NCOA3: variants seen among roughly 807,000 people sequenced by gnomAD.
The protein encoded by NCOA3 is CBP-interacting protein.
In NCOA3, 51 loss-of-function variants were observed where a neutral mutation model predicts 158.8. That is an observed-to-expected ratio of 0.32 (90% CI 0.26 to 0.41). NCOA3 has a LOEUF of 0.41. Ranked by LOEUF, NCOA3 falls within the 10% of genes least tolerant of loss-of-function variation. The pLI, the probability that NCOA3 is intolerant of heterozygous loss-of-function variation, is 1.00. For synonymous variants in NCOA3, 537 were observed against 592.4 expected (o/e 0.91, Z 1.36); for missense variants, 1,510 against 1,746.6 (o/e 0.86, Z 2.41).
rs6018583 is a variant in NCOA3, at chr20:47,606,086, C to G, written c.-19-16143C>G. On this transcript the variant is annotated intron_variant, in intron 2 of 22. Transcript: ENST00000371998. ...TGGTCTTGAACTTCTGGCAAGTGAC[C>G]CTCTACTGTAGCCTCCCAAAGTATT... Among the ~76,000 whole-genome samples the G allele has an allele frequency of 7.2e-3, 1,103 of 152,204 alleles. 22 individuals are homozygous for G. The highest frequency in any genetic ancestry group is 0.025 in the African/African-American group (1,045 of 41,536).
At chr20:47,584,491 G>T (rs1339855651) in intron 2 of NCOA3, among the ~76,000 whole-genome samples, 1 of 151,796 alleles carries the variant, frequency 6.6e-6, no homozygotes, top group Non-Finnish European at 1.5e-5. Flanking sequence ...ATAGTGGCGT[G>T]TGCCTGTAAT....
chr20:47,587,895 A>G (rs969277195), intron 2 of NCOA3, among the ~76,000 whole-genome samples: 2 of 151,936 alleles, frequency 1.3e-5, no homozygotes, highest in Non-Finnish European at 2.9e-5. Flanking sequence ...GTCCCTTATT[A>G]TTATGTGGGA....
At chr20:47,585,537 G>A (rs2085522368) in intron 2 of NCOA3, among the ~76,000 whole-genome samples, 1 of 152,106 alleles carries the variant, frequency 6.6e-6, no homozygotes, top group Admixed American at 6.5e-5. Context: ...TGGTAAGCAG[G>A]CTTTATCTGG....
At chr20:47,563,478 TCAA>T (rs1452116500) in intron 1 of NCOA3, among the ~76,000 whole-genome samples, 1 of 151,852 alleles carries the variant, frequency 6.6e-6, no homozygotes, top group Non-Finnish European at 1.5e-5. Flanking sequence ...CTCTAAGAAA[TCAA>T]AAAGGGAAAA....
At chr20:47,644,329 C>T (rs72645288) in intron 17 of NCOA3, among the ~76,000 whole-genome samples, 5 of 151,924 alleles carry the variant, frequency 3.3e-5, no homozygotes, top group Middle Eastern at 3.2e-3. Flanking sequence ...TTAGTAGAGA[C>T]GGGGTTTCAC....
At chr20:47,568,918 G>A (rs1239375729) in intron 1 of NCOA3, among the ~76,000 whole-genome samples, 1 of 152,036 alleles carries the variant, frequency 6.6e-6, no homozygotes, top group Admixed American at 6.6e-5. Context: ...CAGGGTGGTG[G>A]TTAATGAAGG....
Position 47,651,101 on chromosome 20 carries a change from G to GCAA in NCOA3, c.3773_3774insACA (p.Gln1276dup), listed in dbSNP as rs771198609. The GCAA allele has an allele frequency of 6.2e-6, 10 of 1,601,038 alleles. No individual in the cohort carries two copies. Among genetic ancestry groups the GCAA allele is most frequent in the South Asian group, 1.1e-5 (1 of 90,526 alleles). Reference sequence around the variant, plus strand: ...AGCAGCAGCAGCAGCAACAGCAGCAGCAGCAGCAGCAGCAGCAGCAACAGC... The same window carrying GCAA: ...AGCAGCAGCAGCAGCAACAGCAGCAGCAACAGCAGCAGCAGCAGCAGCAACAGC... On this transcript the variant is annotated inframe_insertion, in exon 20 of 23. Coordinates refer to ENST00000371998, the MANE Select transcript of NCOA3 (RefSeq NM_181659.3).
chr20:47,615,034 T>C (rs1358079920), intron 2 of NCOA3, among the ~76,000 whole-genome samples: 1 of 152,200 alleles, frequency 6.6e-6, no homozygotes. Context: ...TTGATACATA[T>C]TTTGTTGGTT....
intron 1 of NCOA3, among the ~76,000 whole-genome samples, chr20:47,570,933 T>TAC (rs772303791): frequency 1.1e-4 from 11 of 99,250 alleles, no homozygotes; most frequent in African/African-American, 4.4e-4. Flanking sequence ...TGAGCAGTAA[T>TAC]ATATATACAC....
chr20:47,596,884 T>C (rs535482742), intron 2 of NCOA3, among the ~76,000 whole-genome samples: 2 of 152,320 alleles, frequency 1.3e-5, no homozygotes, highest in African/African-American at 4.8e-5. Context: ...GGCACCATAC[T>C]AAGCCAAAAG....
chr20:47,647,920 T>C (rs1438860465), intron 18 of NCOA3, among the ~76,000 whole-genome samples: 1 of 86,772 alleles, frequency 1.2e-5, no homozygotes, highest in Admixed American at 9.9e-5. Context: ...TTTTGTTTTG[T>C]TTTTTTTTTT....
chr20:47,652,150 A>ACTGTAG (rs2086805445), intron 20 of NCOA3, among the ~76,000 whole-genome samples: 1 of 152,030 alleles, frequency 6.6e-6, no homozygotes, highest in Non-Finnish European at 1.5e-5. Flanking sequence ...TTCTACAGGA[A>ACTGTAG]ACCCATTAAA....
intron 16 of NCOA3, 103 bp from the exon 17 acceptor site, chr20:47,642,109 AT>A: frequency 1.2e-6 from 1 of 850,766 alleles, no homozygotes; most frequent in Non-Finnish European, 1.8e-6. Flanking sequence ...TGTTTGTAGC[AT>A]TTGAGTTACT....
chr20:47,627,450 A>AT, intron 6 of NCOA3, 111 bp from the exon 7 acceptor site: 1 of 851,578 alleles, frequency 1.2e-6, no homozygotes. Flanking sequence ...GTTAGTATAG[A>AT]TATAACTATG....
intron 2 of NCOA3, among the ~76,000 whole-genome samples, chr20:47,593,508 AT>A (rs1046029320): frequency 3.3e-5 from 5 of 149,884 alleles, no homozygotes; most frequent in African/African-American, 1.2e-4. Flanking sequence ...CGCCCGGCTA[AT>A]TTTTTTTGTA....
chr20:47,652,589 C>G lies in NCOA3; in HGVS notation c.4121+9C>G. On this transcript the variant is annotated intron_variant, in intron 21 of 22. Coordinates refer to ENST00000371998, the MANE Select transcript of NCOA3 (RefSeq NM_181659.3). The stretch of plus-strand genomic sequence containing the variant: ...AATTTGGCCAGGAACAGGTAAAGAA[C>G]AGTGACTTATAAAGTTAGTCACATC... 6.3e-7 allele frequency: 1 copy of G among 1,599,660 alleles called. No homozygotes were observed. Among genetic ancestry groups the G allele is most frequent in the Non-Finnish European group, 8.6e-7 (1 of 1,167,840 alleles).
At chr20:47,571,557 A>G (rs1035123384) in intron 1 of NCOA3, among the ~76,000 whole-genome samples, 2 of 151,796 alleles carry the variant, frequency 1.3e-5, no homozygotes, top group African/African-American at 4.8e-5. Context: ...GCCTCAAGCA[A>G]TCCACCTGCC....
At chr20:47,568,029 A>G (rs2085227215) in intron 1 of NCOA3, among the ~76,000 whole-genome samples, 1 of 152,062 alleles carries the variant, frequency 6.6e-6, no homozygotes, top group African/African-American at 2.4e-5. Flanking sequence ...GTTAAAAACA[A>G]CTCTGGCAGA....
chr20:47,549,884 T>C (rs1033811167), intron 1 of NCOA3, among the ~76,000 whole-genome samples: 5 of 152,050 alleles, frequency 3.3e-5, no homozygotes, highest in Non-Finnish European at 7.4e-5. Context: ...TTGTAATTTT[T>C]TGTAGAGACA....
Sources: gnomAD v4.1 joint callset for allele counts (sites outside exome capture counted in the v4.1 genomes callset) on GRCh38, gnomAD v4.1.1 for gene constraint, MANE v1.5 for transcripts, NCBI Gene and HGNC (gene_info 2026-07-23, HGNC 2026-07-21) for gene names.